Variants in AGMO observed in about 807,000 individuals in gnomAD.
AGMO encodes alkylglycerol monooxygenase, also known as glyceryl-ether monooxygenase.
AGMO carries 75 observed loss-of-function variants against 60.2 expected under a neutral mutation model. That is an observed-to-expected ratio of 1.25 (90% CI 1.03 to 1.51). AGMO has a LOEUF of 1.51. AGMO is among the 40% of genes most tolerant of loss of function. The pLI, the probability that AGMO is intolerant of heterozygous loss-of-function variation, is 0.00. For synonymous variants in AGMO, 261 were observed against 177.1 expected, an observed-to-expected ratio of 1.47 and a Z score of -3.76; for missense variants, 763 against 525.5, an observed-to-expected ratio of 1.45 and a Z score of -4.42.
chr7:15,242,159 C>G (rs1309348769), intron 12 of AGMO, among the ~76,000 whole-genome samples: 2 of 152,098 alleles, frequency 1.3e-5, no homozygotes, highest in African/African-American at 2.4e-5. Context: ...GCCTTAGTTT[C>G]ATCTTTGTCA....
At chr7:15,536,859 G>A (rs1273436138) in intron 3 of AGMO, among the ~76,000 whole-genome samples, 1 of 151,800 alleles carries the variant, frequency 6.6e-6, no homozygotes, top group Non-Finnish European at 1.5e-5. Flanking sequence ...GCTAAATTTA[G>A]TCATAATTAT....
At chr7:15,255,745 G>A (rs1783078214) in intron 12 of AGMO, among the ~76,000 whole-genome samples, 1 of 152,060 alleles carries the variant, frequency 6.6e-6, no homozygotes. Flanking sequence ...TGCATTAACA[G>A]AATAAAAGAT....
intron 3 of AGMO, among the ~76,000 whole-genome samples, chr7:15,471,886 G>C (rs1782458059): frequency 6.6e-6 from 1 of 151,820 alleles, no homozygotes; most frequent in African/African-American, 2.4e-5. Context: ...GAGGAGGAAA[G>C]AAACAATTCA....
intron 3 of AGMO, among the ~76,000 whole-genome samples, chr7:15,472,843 C>A (rs1782485600): frequency 6.6e-6 from 1 of 151,776 alleles, no homozygotes; most frequent in Non-Finnish European, 1.5e-5. Context: ...CCATCATATT[C>A]AATGTGATGG....
downstream of AGMO, among the ~76,000 whole-genome samples, chr7:15,197,043 G>A (rs753644730): frequency 2.0e-5 from 3 of 151,634 alleles, no homozygotes; most frequent in Non-Finnish European, 2.9e-5. Context: ...TGAATAGAAC[G>A]TTTTTTGTTG....
chr7:15,258,032 G>A (rs752502508), intron 12 of AGMO, among the ~76,000 whole-genome samples: 5 of 152,088 alleles, frequency 3.3e-5, no homozygotes, highest in Admixed American at 6.6e-5. Flanking sequence ...AAAAACACAT[G>A]ATTCTCCATT....
At chr7:15,517,309 T>C (rs1409061324) in intron 3 of AGMO, among the ~76,000 whole-genome samples, 1 of 150,504 alleles carries the variant, frequency 6.6e-6, no homozygotes, top group African/African-American at 2.5e-5. Context: ...TTTAATCTAG[T>C]GTGGGGTGTG....
chr7:15,347,249 T>C (rs143404024), intron 12 of AGMO, among the ~76,000 whole-genome samples: 275 of 152,176 alleles, frequency 1.8e-3, no homozygotes, highest in Middle Eastern at 0.01. Context: ...CCTAGATCTA[T>C]TTCCTGGCTC....
At chr7:15,547,766 A>C (rs548581194) in intron 2 of AGMO, among the ~76,000 whole-genome samples, 1,580 of 151,260 alleles carry the variant, frequency 0.01, 23 homozygotes, top group Non-Finnish European at 0.016. Context: ...CCCGGGCTTG[A>C]TTAGGTAAAC....
chr7:15,167,118 G>A, the AGMO span, among the ~76,000 whole-genome samples: 1 of 151,990 alleles, frequency 6.6e-6, no homozygotes, highest in Non-Finnish European at 1.5e-5. Context: ...CATAAATCAT[G>A]AAAATTTATA....
chr7:15,260,193 G>A lies in AGMO; in HGVS notation c.1264-58834C>T, dbSNP rs1430586166. Among the ~76,000 whole-genome samples, 3 of 146,912 alleles carry A rather than the reference G, an allele frequency of 2.0e-5. No homozygotes were observed. In the Admixed American group the frequency reaches 2.1e-4, roughly 10 times the overall value. ...CAAGTGATCACACAACTGCACTCCA[G>A]CCTGGGTGACAGAGCGAGGAAAAAA... On this transcript the variant is annotated intron_variant, in intron 12 of 12. Coordinates refer to ENST00000342526, the MANE Select transcript of AGMO (RefSeq NM_001004320.2).
the AGMO span, among the ~76,000 whole-genome samples, chr7:15,186,828 C>T: frequency 6.6e-6 from 1 of 152,078 alleles, no homozygotes; most frequent in South Asian, 2.1e-4. Flanking sequence ...GTGGTCCCGG[C>T]GCACTTTGCA....
intron 12 of AGMO, among the ~76,000 whole-genome samples, chr7:15,278,635 G>A (rs1349444729): frequency 6.6e-6 from 1 of 152,200 alleles, no homozygotes; most frequent in Non-Finnish European, 1.5e-5. Flanking sequence ...GAGACTGGCA[G>A]CTGTGTAATA....
intron 3 of AGMO, among the ~76,000 whole-genome samples, chr7:15,537,605 C>T (rs1168673228): frequency 2.0e-5 from 3 of 152,054 alleles, no homozygotes; most frequent in Non-Finnish European, 2.9e-5. Context: ...CTATACTTTA[C>T]AATCAATGTT....
chr7:15,345,428 A>T (rs918187912), intron 12 of AGMO, among the ~76,000 whole-genome samples: 1 of 152,154 alleles, frequency 6.6e-6, no homozygotes, highest in Admixed American at 6.5e-5. Context: ...CTCAAGATAC[A>T]AATCATCACC....
chr7:15,199,685 A>G (rs1048547899), downstream of AGMO, among the ~76,000 whole-genome samples: 8 of 152,194 alleles, frequency 5.3e-5, no homozygotes. Context: ...CTACTGTAAC[A>G]TGATTCTGTA....
chr7:15,551,598 A>T (rs1784962644), intron 2 of AGMO, among the ~76,000 whole-genome samples: 1 of 151,584 alleles, frequency 6.6e-6, no homozygotes, highest in Non-Finnish European at 1.5e-5. Flanking sequence ...ATACTTAGGA[A>T]TCCAACTTAC....
chr7:15,308,522 A>G (rs1780679069), intron 12 of AGMO, among the ~76,000 whole-genome samples: 1 of 152,076 alleles, frequency 6.6e-6, no homozygotes, highest in South Asian at 2.1e-4. Context: ...GCTTGTATTA[A>G]CTCATTTGCT....
intron 12 of AGMO, among the ~76,000 whole-genome samples, chr7:15,243,907 C>A (rs535862172): frequency 6.6e-6 from 1 of 152,234 alleles, no homozygotes; most frequent in Non-Finnish European, 1.5e-5. Context: ...TTCCACTTTC[C>A]TGCTTATGAG....
Sources: allele counts gnomAD v4.1 joint callset (sites outside exome capture counted in the v4.1 genomes callset), GRCh38; gene constraint gnomAD v4.1.1; transcripts MANE v1.5; gene names NCBI Gene and HGNC (gene_info 2026-07-23, HGNC 2026-07-21).